Variants in MLKL observed in about 807,000 individuals in gnomAD.
MLKL encodes the protein mixed lineage kinase domain like pseudokinase, also known as mixed lineage kinase domain-like protein.
In MLKL, 55 loss-of-function variants were observed where a neutral mutation model predicts 56.5. The observed-to-expected ratio is 0.97, with a 90% CI of 0.78 to 1.22. The LOEUF is 1.22. Among genes scored for constraint, MLKL ranks in the 50% most tolerant of loss-of-function variants. The pLI, the probability that MLKL is intolerant of heterozygous loss-of-function variation, is 0.00. For synonymous variants in MLKL, 251 were observed against 208.3 expected, an observed-to-expected ratio of 1.20 and a Z score of -1.76; for missense variants, 694 against 573.9, an observed-to-expected ratio of 1.21 and a Z score of -2.14.
chr16:74,682,367 G>C (rs1960028944), intron 6 of MLKL, among the ~76,000 whole-genome samples: 1 of 152,072 alleles, frequency 6.6e-6, no homozygotes, highest in Admixed American at 6.6e-5. Context: ...AATTTAACTG[G>C]ATATGTTCAT....
chr16:74,696,835 G>C (rs1044062358), intron 1 of MLKL, among the ~76,000 whole-genome samples: 16 of 150,168 alleles, frequency 1.1e-4, no homozygotes, highest in African/African-American at 3.7e-4. Flanking sequence ...GTGCATGCCT[G>C]TAATCCCAGC....
In MLKL at chr16:74,691,302, T is replaced by C. The variant is rs779957254; in HGVS notation, c.697A>G (p.Lys233Glu). The C allele has an allele frequency of 5.0e-5, 80 of 1,611,430 alleles. 1 individual carries two copies. The East Asian group carries it at 1.8e-3, about 36-fold the overall frequency. Residue 233 changes from lysine to glutamate, a missense_variant, in exon 4 of 11, where the codon AAA (lysine) becomes GAA (glutamate). Physicochemically the swap from Lys to Glu is moderately conservative, Grantham distance 56 (BLOSUM62 1). Transcript: ENST00000308807. Reference protein sequence around the residue: ...HRAPVAIKVFKKLQAGSIAIV... With the variant: ...HRAPVAIKVFEKLQAGSIAIV... ...GCAATGCTGCCAGCCTGGAGTTTTTTGAATACTTTTATGGCCACTGGAGCT... is the reference window on the plus strand; with the variant it reads ...GCAATGCTGCCAGCCTGGAGTTTTTCGAATACTTTTATGGCCACTGGAGCT...
chr16:74,690,397 T>C (rs1433552122), intron 4 of MLKL, among the ~76,000 whole-genome samples: 5 of 152,132 alleles, frequency 3.3e-5, no homozygotes, highest in Admixed American at 2.6e-4. Flanking sequence ...TGGTGCTATA[T>C]CCTGAAGGAT....
At chr16:74,672,673 T>G (rs1453129727) in intron 10 of MLKL, 135 bp from the exon 11 acceptor site, 1 of 750,720 alleles carries the variant, frequency 1.3e-6, no homozygotes, top group African/African-American at 1.8e-5. Flanking sequence ...TGAACCACCA[T>G]CAGCACTCAC....
At chr16:74,693,959 G>C (rs370254533) in intron 2 of MLKL, among the ~76,000 whole-genome samples, 2 of 152,136 alleles carry the variant, frequency 1.3e-5, no homozygotes, top group Non-Finnish European at 2.9e-5. Flanking sequence ...AAAAAATGAT[G>C]GGTGTATGTA....
chr16:74,681,765 G>T (rs1959985782), intron 6 of MLKL, among the ~76,000 whole-genome samples: 1 of 151,756 alleles, frequency 6.6e-6, no homozygotes, highest in Non-Finnish European at 1.5e-5. Context: ...CTGCACTCCA[G>T]CCTGGGCAAC....
chr16:74,698,943 T>A (rs1961216727), intron 1 of MLKL, among the ~76,000 whole-genome samples: 1 of 151,862 alleles, frequency 6.6e-6, no homozygotes, highest in Non-Finnish European at 1.5e-5. Flanking sequence ...TGAAACCCCA[T>A]CTCTACTAAA....
chr16:74,692,487 T>C, intron 2 of MLKL, 71 bp from the exon 3 acceptor site: 1 of 1,238,042 alleles, frequency 8.1e-7, no homozygotes, highest in Non-Finnish European at 1.2e-6. Flanking sequence ...ACTAAAATGC[T>C]AATTAAAACT....
In MLKL at chr16:74,695,367, C is replaced by T. The variant is rs1235789519; in HGVS notation, c.391G>A (p.Ala131Thr). The change falls in exon 2 of 11, where the codon GCG becomes ACG. Residue 131 changes from alanine (A) to threonine (T), a missense_variant. Transcript: ENST00000308807. ...TGCTGATCTTCCTGTGCCCAGGACG[C>T]TCCTTGGCTTATGGGTGAAACAGGC... ...RMPVSPISQG[A>T]SWAQEDQQDA... is the part of the protein sequence containing the mutation. 2 of 1,614,108 alleles carry T rather than the reference C, an allele frequency of 1.2e-6. No homozygotes were observed. The highest frequency in any genetic ancestry group is 1.3e-5 in the African/African-American group (1 of 74,948).
chr16:74,698,309 G>A lies in MLKL; in HGVS notation c.-3+2144C>T, dbSNP rs370365482. On this transcript the variant is annotated intron_variant, in intron 1 of 10. Coordinates refer to ENST00000308807, the MANE Select transcript of MLKL (RefSeq NM_152649.4). ...TGAAATAGGTAGGTTAAGTATTATC[G>A]CCAGTTTATGGATTAATTAGCAGCT... is the stretch of plus-strand genomic sequence containing the variant. Among the ~76,000 whole-genome samples, 25 of 151,744 alleles carry A rather than the reference G, an allele frequency of 1.6e-4. No individual in the cohort carries two copies. The South Asian group carries it at 2.1e-3, about 13-fold the overall frequency.
At chr16:74,685,073 G>A (rs929840113) in intron 5 of MLKL, among the ~76,000 whole-genome samples, 3 of 152,026 alleles carry the variant, frequency 2.0e-5, no homozygotes, top group African/African-American at 7.2e-5. Context: ...CATGTTGGCT[G>A]GGCTGGTCTT....
chr16:74,681,611 G>A (rs928597671), intron 6 of MLKL, among the ~76,000 whole-genome samples: 1 of 151,742 alleles, frequency 6.6e-6, no homozygotes, highest in Non-Finnish European at 1.5e-5. Context: ...GGCTAACATG[G>A]TGAAACCCCG....
At chr16:74,675,482 T>C in intron 8 of MLKL, 78 bp from the exon 9 acceptor site, 1 of 1,579,278 alleles carries the variant, frequency 6.3e-7, no homozygotes, top group Non-Finnish European at 8.6e-7. Context: ...GCCAGAAAAC[T>C]CAGTGAATTT....
intron 4 of MLKL, among the ~76,000 whole-genome samples, chr16:74,688,438 G>A (rs1334330965): frequency 1.3e-5 from 2 of 152,192 alleles, no homozygotes; most frequent in Non-Finnish European, 2.9e-5. Flanking sequence ...GGAGGGCCAG[G>A]TGCAGTGGCT....
At chr16:74,685,433 G>A (rs1960263925) in intron 5 of MLKL, 53 bp downstream of exon 5, 12 of 1,282,162 alleles carry the variant, frequency 9.4e-6, no homozygotes, top group Non-Finnish European at 1.4e-5. Flanking sequence ...TAAAACACAG[G>A]AGGTGTGTTC....
rs78802348 is a variant in MLKL at position 74,690,442 on chromosome 16, G to T, written c.722+835C>A. 2.0e-5 allele frequency among the ~76,000 whole-genome samples: 3 copies of T among 152,244 alleles called. No homozygotes were observed. In the East Asian group the frequency reaches 5.8e-4, roughly 29 times the overall value. ...GGTCCCTAAAGGGAAACTAAGTATG[G>T]CATCTTTTTGGTGGGGAAAAGTTGG... On this transcript the variant is annotated intron_variant, in intron 4 of 10. Coordinates refer to ENST00000308807, the MANE Select transcript of MLKL (RefSeq NM_152649.4).
chr16:74,691,551 G>A, intron 3 of MLKL, 88 bp from the exon 4 acceptor site: 1 of 1,398,614 alleles, frequency 7.1e-7, no homozygotes, highest in South Asian at 1.3e-5. Context: ...TGTGATGTGT[G>A]AGTGGGAAGC....
chr16:74,682,418 C>G (rs1323514477), intron 6 of MLKL, among the ~76,000 whole-genome samples: 4 of 152,100 alleles, frequency 2.6e-5, no homozygotes, highest in African/African-American at 9.7e-5. Context: ...AGGGCTCATC[C>G]AACTCTATAA....
At chr16:74,683,798 G>A (rs980966430) in intron 5 of MLKL, among the ~76,000 whole-genome samples, 8 of 152,090 alleles carry the variant, frequency 5.3e-5, no homozygotes, top group Admixed American at 3.3e-4. Context: ...GGAATGAGTA[G>A]GGCACACATG....
Sources: allele counts gnomAD v4.1 joint callset (sites outside exome capture counted in the v4.1 genomes callset), GRCh38; gene constraint gnomAD v4.1.1; transcripts MANE v1.5; gene names NCBI Gene and HGNC (gene_info 2026-07-23, HGNC 2026-07-21).